The following GPC1 variants were observed in gnomAD, a reference collection of about 807,000 sequenced individuals.
GPC1 encodes the protein glypican 1.
Under a neutral mutation model 51.5 loss-of-function variants are expected in GPC1, and 26 were observed. The ratio of observed to expected loss-of-function variants is 0.50; its 90% CI spans 0.37 to 0.70. GPC1 has a LOEUF of 0.70. Among genes scored for constraint, GPC1 ranks in the 30% least tolerant of loss-of-function variants. The pLI is 0.00. For missense variants in GPC1, 775 were observed against 800.5 expected, an observed-to-expected ratio of 0.97 and a Z score of 0.38; for synonymous variants, 380 against 348.3, an observed-to-expected ratio of 1.09 and a Z score of -1.01.
At chr2:240,463,660 GC>G in intron 4 of GPC1, 148 bp downstream of exon 4, 1 of 657,670 alleles carries the variant, frequency 1.5e-6, no homozygotes, top group Non-Finnish European at 2.6e-6. Context: ...GGGTGGTGCT[GC>G]AGGGTTGAGG....
chr2:240,444,369 G>A (rs763946842), intron 1 of GPC1, among the ~76,000 whole-genome samples: 5 of 152,154 alleles, frequency 3.3e-5, no homozygotes, highest in African/African-American at 4.8e-5. Context: ...TGGGGCTTCC[G>A]GGGACTCCCA....
intron 1 of GPC1, among the ~76,000 whole-genome samples, chr2:240,446,300 TC>T (rs2074050272): frequency 6.6e-6 from 1 of 152,260 alleles, no homozygotes; most frequent in Non-Finnish European, 1.5e-5. Context: ...CATTGGAGGC[TC>T]CGTGAGCTCC....
chr2:240,462,363 C>G lies in GPC1; in HGVS notation c.498C>G (p.Phe166Leu), dbSNP rs747417125. The change falls in exon 3 of 9, where the codon TTC (phenylalanine) becomes TTG (leucine). Residue 166 changes from phenylalanine to leucine, a missense_variant. Phe to Leu is a conservative substitution (Grantham distance 22, BLOSUM62 0). Transcript: ENST00000264039. ...ACCTGGAGGAGACGCTGGCCGAGTT[C>G]TGGGCCCGCCTGCTCGAGCGCCTCT... ...NLHLEETLAE[F>L]WARLLERLFK... 8 of 1,591,728 alleles carry G rather than the reference C, an allele frequency of 5.0e-6. No homozygotes were observed. The highest frequency in any genetic ancestry group is 6.0e-6 in the Non-Finnish European group (7 of 1,169,980).
chr2:240,435,788 C>T lies in GPC1; in HGVS notation c.-131C>T. ...TTGTTGTCTCCGCCTCCTCGGCCGCCGCCGCCTCTGGACCGCGAGCCGCGC... is the reference window on the plus strand; with the variant it reads ...TTGTTGTCTCCGCCTCCTCGGCCGCTGCCGCCTCTGGACCGCGAGCCGCGC... On this transcript the variant is annotated 5_prime_UTR_variant, in exon 1 of 9. Coordinates refer to ENST00000264039, the MANE Select transcript of GPC1 (RefSeq NM_002081.3). 2 of 534,946 alleles carry T rather than the reference C, an allele frequency of 3.7e-6. No individual in the cohort carries two copies. The highest frequency in any genetic ancestry group is 6.1e-4 in the Middle Eastern group (1 of 1,648). The allele number at this position is 534,946 out of a possible 1,614,324, so 33.1% of individuals were successfully genotyped here. A position where few individuals can be genotyped will look rare whatever the true frequency, so the allele number is the denominator to read the frequency against.
chr2:240,453,401 C>T (rs2074123104), intron 1 of GPC1, among the ~76,000 whole-genome samples: 1 of 32,426 alleles, frequency 3.1e-5, no homozygotes, highest in Non-Finnish European at 5.6e-5. Context: ...CCGCCCCGCT[C>T]CCTCCGCCCG....
At chr2:240,455,363 G>A (rs1275719719) in intron 1 of GPC1, among the ~76,000 whole-genome samples, 4 of 152,224 alleles carry the variant, frequency 2.6e-5, no homozygotes, top group Non-Finnish European at 5.9e-5. Flanking sequence ...GGAAGAGAGG[G>A]TCCAGTCCCT....
rs945394798 is a variant in GPC1 at position 240,465,737 on chromosome 2, G to C, written c.1444+89G>C. ...GACTGCCCTCCGGGTTCCCCCACCC[G>C]AGGGGCCCTCTGCTCCGGCATCACC... On this transcript the variant is annotated intron_variant, in intron 8 of 8. Coordinates refer to ENST00000264039, the MANE Select transcript of GPC1 (RefSeq NM_002081.3). The C allele has an allele frequency of 2.7e-6, 3 of 1,105,610 alleles. No homozygotes were observed. In the African/African-American group the frequency reaches 4.6e-5, roughly 17 times the overall value. 68.5% of individuals were successfully genotyped at this position (1,105,610 alleles called of 1,614,324 possible).
intron 1 of GPC1, among the ~76,000 whole-genome samples, chr2:240,457,201 TCAGA>T (rs1227306928): frequency 2.0e-5 from 3 of 152,022 alleles, no homozygotes; most frequent in Non-Finnish European, 4.4e-5. Context: ...ATTCCAGAAC[TCAGA>T]CAGGAAAAGA....
At chr2:240,457,483 C>T (rs2074177508) in intron 1 of GPC1, 1 of 470,004 alleles carries the variant, frequency 2.1e-6, no homozygotes, top group Non-Finnish European at 4.4e-6. Flanking sequence ...GTTACCTAGT[C>T]CTGGGTCCCC....
rs368404935 is a variant in GPC1, at chr2:240,463,550, T to C, written c.883+38T>C. 2.7e-4 allele frequency: 429 copies of C among 1,593,240 alleles called. 1 individual carries two copies. The African/African-American group carries it at 5.3e-3, about 20-fold the overall frequency. ...CCGCGAGAGCGGCCTGGAACTGTCT[T>C]GGGGAGTGCACGACTGGGGGTCCTG... On this transcript the variant is annotated intron_variant, in intron 4 of 8. Coordinates refer to ENST00000264039, the MANE Select transcript of GPC1 (RefSeq NM_002081.3).
intron 2 of GPC1, 50 bp from the exon 3 acceptor site, chr2:240,462,141 G>T: frequency 6.7e-7 from 1 of 1,496,802 alleles, no homozygotes; most frequent in Non-Finnish European, 9.0e-7. Flanking sequence ...TGGTCCAGCT[G>T]CCACGGCGGG....
rs2074271903 is a variant in GPC1, at chr2:240,467,317, C to T, written c.*1027C>T. 1 of 152,324 alleles carries T rather than the reference C, an allele frequency of 6.6e-6. No homozygotes were observed. Among genetic ancestry groups the T allele is most frequent in the Admixed American group, 6.5e-5 (1 of 15,294 alleles). 9.4% of individuals were successfully genotyped at this position (152,324 alleles called of 1,614,324 possible). ...TGCCTAGGTCCCTTCCCGACCCAGC[C>T]AGCTGCAGGGCACGGGGACCTGGAT... is the stretch of plus-strand genomic sequence containing the variant. On this transcript the variant is annotated 3_prime_UTR_variant, in exon 9 of 9. Transcript: ENST00000264039.
chr2:240,454,956 A>T (rs79675677), intron 1 of GPC1: 2 of 235,244 alleles, frequency 8.5e-6, no homozygotes, highest in East Asian at 3.6e-4. Flanking sequence ...GAAGGTGCTG[A>T]TGACCAAGAG....
intron 1 of GPC1, chr2:240,456,165 G>A (rs1403074900): frequency 2.7e-5 from 7 of 261,818 alleles, no homozygotes; most frequent in South Asian, 9.2e-5. Context: ...GCTGAGGCGC[G>A]GGGGCCGGTG....
At chr2:240,455,968 C>G (rs2074156751) in intron 1 of GPC1, 1 of 419,812 alleles carries the variant, frequency 2.4e-6, no homozygotes, top group Non-Finnish European at 4.8e-6. Flanking sequence ...AGGCCTTCGC[C>G]CGCCTTGCGT....
intron 1 of GPC1, among the ~76,000 whole-genome samples, chr2:240,446,303 G>A (rs62187174): frequency 0.035 from 5,263 of 152,376 alleles, 144 homozygotes; most frequent in South Asian, 0.058. Context: ...TGGAGGCTCC[G>A]TGAGCTCCTA....
chr2:240,466,202 C>T lies in GPC1; in HGVS notation c.1589C>T (p.Ser530Leu), dbSNP rs372466044. 30 of 1,612,734 alleles carry T rather than the reference C, an allele frequency of 1.9e-5. No homozygotes were observed. Among genetic ancestry groups the T allele is most frequent in the Non-Finnish European group, 2.4e-5 (28 of 1,179,274 alleles). Reference protein sequence around the residue: ...GLSEQEGQKTSAASCPQPPTF... With the variant: ...GLSEQEGQKTLAASCPQPPTF... ...TCAGAGCAGGAAGGACAGAAGACCTCGGCTGCCAGCTGCCCCCAGCCCCCG... is the reference window on the plus strand; with the variant it reads ...TCAGAGCAGGAAGGACAGAAGACCTTGGCTGCCAGCTGCCCCCAGCCCCCG... The change falls in exon 9 of 9, where the codon TCG becomes TTG. Residue 530 changes from serine to leucine, a missense_variant. Ser to Leu is a moderately radical substitution (Grantham distance 145, BLOSUM62 -2). Transcript: ENST00000264039.
At position 240,467,263 on chromosome 2, in the gene GPC1, CTGG is replaced by C. The variant is rs1191627419; in HGVS notation, c.*976_*978del. On this transcript the variant is annotated 3_prime_UTR_variant, in exon 9 of 9. Transcript: ENST00000264039. ...CACCTGCTCACAGGGATGCTGGTGGCTGGTGAGACCCCGCACTGCAGACGGGAA... is the reference window on the plus strand; with the variant it reads ...CACCTGCTCACAGGGATGCTGGTGGCTGAGACCCCGCACTGCAGACGGGAA... The C allele has an allele frequency of 6.6e-6, 1 of 152,344 alleles. No homozygotes were observed. Among genetic ancestry groups the C allele is most frequent in the Non-Finnish European group, 1.5e-5 (1 of 68,116 alleles). The allele number at this position is 152,344 out of a possible 1,614,324, so 9.4% of individuals were successfully genotyped here.
intron 3 of GPC1, 107 bp downstream of exon 3, chr2:240,462,689 G>C: frequency 2.8e-6 from 3 of 1,053,906 alleles, no homozygotes. Flanking sequence ...GGGCCTCTGG[G>C]CCAGCCTCTG....
Sources: allele counts gnomAD v4.1 joint callset (sites outside exome capture counted in the v4.1 genomes callset), GRCh38; gene constraint gnomAD v4.1.1; transcripts MANE v1.5; gene names NCBI Gene and HGNC (gene_info 2026-07-23, HGNC 2026-07-21).